Variants in STXBP5 observed in about 807,000 individuals in gnomAD.
STXBP5 encodes the protein syntaxin-binding protein 5.
STXBP5 carries 50 observed loss-of-function variants against 152.4 expected under a neutral mutation model. That is an observed-to-expected ratio of 0.33 (90% confidence interval 0.26 to 0.42). The LOEUF (loss-of-function observed/expected upper bound fraction) is 0.42, where lower values mean the gene tolerates loss of function less well. Among genes scored for constraint, STXBP5 ranks in the 10% least tolerant of loss-of-function variants. The pLI, the probability that STXBP5 is intolerant of heterozygous loss-of-function variation, is 1.00. For synonymous variants in STXBP5, 492 were observed against 494.7 expected (o/e 0.99, Z 0.07); for missense variants, 1,167 against 1,388.6 (o/e 0.84, Z 2.54).
At chr6:147,309,836 A>G (rs1181424691) in intron 9 of STXBP5, among the ~76,000 whole-genome samples, 2 of 152,056 alleles carry the variant, frequency 1.3e-5, no homozygotes, top group South Asian at 2.1e-4. Flanking sequence ...TATTTAGGAG[A>G]TAAAGTTTTA....
At position 147,235,266 on chromosome 6, in the gene STXBP5, G is replaced by A; in HGVS notation, c.265G>A (p.Val89Ile). The A allele has an allele frequency of 6.2e-7, 1 of 1,613,378 alleles. No individual in the cohort carries two copies. The highest frequency in any genetic ancestry group is 2.2e-5 in the East Asian group (1 of 44,812). ...GALRLFGRPGVECYCQHDSGA... is the reference protein window; with the variant it reads ...GALRLFGRPGIECYCQHDSGA... Reference sequence around the variant, plus strand: ...TAATTACAGCTTTGGTCGTCCAGGAGTAGAATGTTATTGCCAGCATGACAG... The same window carrying A: ...TAATTACAGCTTTGGTCGTCCAGGAATAGAATGTTATTGCCAGCATGACAG... The change falls in exon 3 of 28, where the codon GTA becomes ATA. Residue 89 changes from valine (V) to isoleucine (I), a missense_variant. Coordinates refer to ENST00000321680, the MANE Select transcript of STXBP5 (RefSeq NM_001127715.4).
At chr6:147,336,945 A>G (rs950139843) in intron 19 of STXBP5, among the ~76,000 whole-genome samples, 2 of 152,108 alleles carry the variant, frequency 1.3e-5, no homozygotes, top group Non-Finnish European at 2.9e-5. Flanking sequence ...ATCTTCAGAA[A>G]TCATCATGAG....
At chr6:147,256,696 G>A (rs934507715) in intron 4 of STXBP5, among the ~76,000 whole-genome samples, 6 of 152,186 alleles carry the variant, frequency 3.9e-5, no homozygotes, top group Non-Finnish European at 7.3e-5. Flanking sequence ...GGCTCAGGCC[G>A]TAAGGATGGA....
chr6:147,254,032 C>A (rs1046278343), intron 4 of STXBP5, among the ~76,000 whole-genome samples: 2 of 152,304 alleles, frequency 1.3e-5, no homozygotes, highest in East Asian at 3.9e-4. Context: ...CGCTACCTGA[C>A]TTCAAACTAT....
intron 9 of STXBP5, among the ~76,000 whole-genome samples, chr6:147,308,134 C>A (rs1782188779): frequency 6.6e-6 from 1 of 152,182 alleles, no homozygotes; most frequent in East Asian, 1.9e-4. Flanking sequence ...CCCACTGGTC[C>A]CTTCATCCCT....
intron 16 of STXBP5, among the ~76,000 whole-genome samples, chr6:147,319,178 G>A (rs1483261682): frequency 6.6e-6 from 1 of 151,896 alleles, no homozygotes; most frequent in African/African-American, 2.4e-5. Flanking sequence ...TAAAAAAAAT[G>A]GGGGGGTTGT....
At chr6:147,258,658 C>T (rs1008489802) in intron 4 of STXBP5, among the ~76,000 whole-genome samples, 1 of 152,166 alleles carries the variant, frequency 6.6e-6, no homozygotes, top group African/African-American at 2.4e-5. Flanking sequence ...TGGTCTCGAT[C>T]TCCTGACCTC....
chr6:147,359,472 T>C, intron 23 of STXBP5, 149 bp downstream of exon 23: 1 of 992,154 alleles, frequency 1.0e-6, no homozygotes, highest in Non-Finnish European at 1.4e-6. Flanking sequence ...TTTTTTTAAT[T>C]ATTATACTTT....
At chr6:147,278,651 C>T (rs905894140) in intron 8 of STXBP5, among the ~76,000 whole-genome samples, 3 of 151,950 alleles carry the variant, frequency 2.0e-5, no homozygotes, top group African/African-American at 7.3e-5. Flanking sequence ...CTCAGAATCA[C>T]CCTAGATTTA....
At chr6:147,229,397 G>A (rs940929181) in intron 2 of STXBP5, among the ~76,000 whole-genome samples, 1 of 151,514 alleles carries the variant, frequency 6.6e-6, no homozygotes, top group Non-Finnish European at 1.5e-5. Flanking sequence ...TGATATGTAA[G>A]TACCAGCTTG....
chr6:147,231,711 T>A (rs1035277253), intron 2 of STXBP5, among the ~76,000 whole-genome samples: 13 of 151,994 alleles, frequency 8.6e-5, no homozygotes, highest in Non-Finnish European at 1.5e-5. Flanking sequence ...AATCTTTTGG[T>A]TTTTCTTCAT....
At chr6:147,223,795 T>C (rs940442123) in intron 2 of STXBP5, among the ~76,000 whole-genome samples, 1 of 152,230 alleles carries the variant, frequency 6.6e-6, no homozygotes, top group African/African-American at 2.4e-5. Context: ...TGAGAAATAC[T>C]GGTTTAAGTG....
intron 18 of STXBP5, among the ~76,000 whole-genome samples, chr6:147,333,762 G>A (rs1275462486): frequency 3.3e-5 from 5 of 152,134 alleles, no homozygotes; most frequent in Non-Finnish European, 7.4e-5. Context: ...TTCATCCATC[G>A]ATGTGACACC....
chr6:147,351,190 T>G (rs1429180700), intron 21 of STXBP5, among the ~76,000 whole-genome samples: 9 of 152,232 alleles, frequency 5.9e-5, no homozygotes, highest in African/African-American at 1.9e-4. Context: ...TCATTGGAAA[T>G]GTCTCTTAAG....
chr6:147,364,224 C>A (rs144606140), intron 25 of STXBP5, 58 bp downstream of exon 25: 1 of 1,448,462 alleles, frequency 6.9e-7, no homozygotes. Flanking sequence ...TCTGAGGGCC[C>A]GTATACTGTC....
At chr6:147,206,130 G>T in intron 2 of STXBP5, 62 bp downstream of exon 2, 2 of 1,426,568 alleles carry the variant, frequency 1.4e-6, no homozygotes, top group East Asian at 2.3e-5. Context: ...CTTCTGTGTT[G>T]CTGATTAGTT....
intron 2 of STXBP5, among the ~76,000 whole-genome samples, chr6:147,207,785 G>C (rs1315648620): frequency 2.0e-5 from 3 of 152,090 alleles, no homozygotes; most frequent in Non-Finnish European, 4.4e-5. Context: ...ATGAGTTTAG[G>C]TTTTATTGTT....
In STXBP5 at chr6:147,204,517, G is replaced by A. The variant is rs1007994987; in HGVS notation, c.-16G>A. ...GTGCCTCCCCTCCCGGGCTGCGGGG[G>A]AGCCCCTCCGAGACCATGAGGAAAT... On this transcript the variant is annotated 5_prime_UTR_variant, in exon 1 of 28. Transcript: ENST00000321680. The surrounding 1 kb of genome is among the most constrained non-coding windows in gnomAD (Gnocchi z 4.3). 4.3e-6 allele frequency: 7 copies of A among 1,609,668 alleles called. No individual in the cohort carries two copies. The highest frequency in any genetic ancestry group is 1.1e-5 in the South Asian group (1 of 90,894).
intron 25 of STXBP5, among the ~76,000 whole-genome samples, chr6:147,369,069 C>A (rs571400303): frequency 1.3e-5 from 2 of 151,876 alleles, no homozygotes; most frequent in South Asian, 4.1e-4. Flanking sequence ...CTAACACTAC[C>A]TTATTTCAAG....
Sources: gnomAD v4.1 joint callset for allele counts (sites outside exome capture counted in the v4.1 genomes callset) on GRCh38, gnomAD v4.1.1 for gene constraint, Gnocchi (gnomAD v3.1) non-coding constraint, MANE v1.5 for transcripts, NCBI Gene and HGNC (gene_info 2026-07-23, HGNC 2026-07-21) for gene names.